DYNC2H1: variants seen among roughly 807,000 people sequenced by gnomAD.
DYNC2H1 encodes the protein dynein cytoplasmic 2 heavy chain 1, also known as cytoplasmic dynein 2 heavy chain 1.
Under a neutral mutation model 570.0 loss-of-function variants are expected in DYNC2H1, and 410 were observed. That is an observed-to-expected ratio of 0.72 (90% CI 0.66 to 0.78). The LOEUF (loss-of-function observed/expected upper bound fraction) is 0.78, where lower values mean the gene tolerates loss of function less well. DYNC2H1 is among the 30% of genes least tolerant of loss of function. The pLI is 0.00. For missense variants in DYNC2H1, 4,865 were observed against 5,046.4 expected, an observed-to-expected ratio of 0.96 and a Z score of 1.09; for synonymous variants, 1,688 against 1,677.6, an observed-to-expected ratio of 1.01 and a Z score of -0.15.
chr11:103,462,305 ATTT>A (rs112665738), intron 87 of DYNC2H1, among the ~76,000 whole-genome samples: 1 of 151,330 alleles, frequency 6.6e-6, no homozygotes. Flanking sequence ...AATTACATTG[ATTT>A]TTTTTTGTGT....
At chr11:103,202,484 C>T (rs540103944) in intron 50 of DYNC2H1, among the ~76,000 whole-genome samples, 2 of 151,956 alleles carry the variant, frequency 1.3e-5, no homozygotes, top group South Asian at 2.1e-4. Flanking sequence ...TTCTTATTCC[C>T]TAATGTGTAT....
Position 103,109,769 on chromosome 11 carries a change from G to T in DYNC2H1, c.195G>T (p.Thr65=), listed in dbSNP as rs896105030. The change falls in exon 1 of 89, where the codon ACG becomes ACT. Residue 65 remains threonine, a splice_region_variant and synonymous_variant. Coordinates refer to ENST00000375735, the MANE Select transcript of DYNC2H1 (RefSeq NM_001377.3). ...RSDAGISFSN[T]IEFGDTKDKV... ...ACGCAGGAATCTCCTTTTCCAACAC[G>T]GTACGGTTCCTTGCACTCCTGCCTG... 1.2e-6 allele frequency: 2 copies of T among 1,611,630 alleles called. No homozygotes were observed. The highest frequency in any genetic ancestry group is 1.7e-6 in the Non-Finnish European group (2 of 1,178,580).
intron 83 of DYNC2H1, among the ~76,000 whole-genome samples, chr11:103,366,646 A>G (rs1463457211): frequency 6.6e-6 from 1 of 152,156 alleles, no homozygotes; most frequent in African/African-American, 2.4e-5. Context: ...TGCTGCTTAC[A>G]GATGTAATTC....
In DYNC2H1 at chr11:103,116,617, G is replaced by T; in HGVS notation, c.669G>T (p.Leu223Phe). 2 of 1,608,392 alleles carry T rather than the reference G, an allele frequency of 1.2e-6. No homozygotes were observed. Among genetic ancestry groups the T allele is most frequent in the South Asian group, 2.2e-5 (2 of 90,254 alleles). ...DSLSLLEVVD[L>F]VETTQDVVDD... ...TATCCTTACTAGAAGTTGTTGACTT[G>T]GTGGAGACTACTCAGGATGTTGTAG... Residue 223 changes from leucine (L) to phenylalanine (F), a missense_variant, in exon 5 of 89, where the codon TTG becomes TTT. Physicochemically the swap from Leu to Phe is conservative, Grantham distance 22. Transcript: ENST00000375735.
chr11:103,371,817 A>C (rs1941157211), intron 83 of DYNC2H1, among the ~76,000 whole-genome samples: 1 of 151,374 alleles, frequency 6.6e-6, no homozygotes, highest in Non-Finnish European at 1.5e-5. Flanking sequence ...ATGAAACTAT[A>C]CTGAATTTGT....
At chr11:103,469,672 C>A (rs1945310320) in intron 88 of DYNC2H1, among the ~76,000 whole-genome samples, 1 of 152,166 alleles carries the variant, frequency 6.6e-6, no homozygotes, top group Admixed American at 6.5e-5. Flanking sequence ...TCAAAATTCC[C>A]TATTTTTCCC....
intron 84 of DYNC2H1, among the ~76,000 whole-genome samples, chr11:103,410,657 C>T (rs1054890027): frequency 7.2e-5 from 11 of 152,032 alleles, no homozygotes; most frequent in Non-Finnish European, 1.3e-4. Context: ...TCTTAGCTGT[C>T]GTGTCTTCAG....
intron 18 of DYNC2H1, among the ~76,000 whole-genome samples, chr11:103,147,458 G>A (rs919679988): frequency 2.0e-5 from 3 of 151,982 alleles, no homozygotes; most frequent in African/African-American, 7.2e-5. Flanking sequence ...GCTGTGACAA[G>A]AGAAGCTCAT....
At chr11:103,136,568 T>C (rs1859567514) in intron 17 of DYNC2H1, among the ~76,000 whole-genome samples, 1 of 152,246 alleles carries the variant, frequency 6.6e-6, no homozygotes, top group Non-Finnish European at 1.5e-5. Flanking sequence ...TCATTTTTTA[T>C]GGCTGCATAG....
intron 84 of DYNC2H1, among the ~76,000 whole-genome samples, chr11:103,423,426 A>AAAAAAAAAAAAAAAAC (rs1943558724): frequency 1.1e-5 from 1 of 91,166 alleles, no homozygotes; most frequent in African/African-American, 4.6e-5. Flanking sequence ...AAAAAAAAAA[A>AAAAAAAAAAAAAAAAC]AAAAAAAAAA....
intron 13 of DYNC2H1, among the ~76,000 whole-genome samples, chr11:103,130,487 G>T (rs1398736030): frequency 6.6e-6 from 1 of 151,940 alleles, no homozygotes; most frequent in African/African-American, 2.4e-5. Context: ...TTTCTTGTTG[G>T]CAGAGATTAA....
rs1860964045 is a variant in DYNC2H1 at position 103,158,978 on chromosome 11, G to A, written c.4329G>A (p.Gln1443=). 5.0e-6 allele frequency: 8 copies of A among 1,613,620 alleles called. No homozygotes were observed. The highest frequency in any genetic ancestry group is 6.8e-6 in the Non-Finnish European group (8 of 1,179,760). The change falls in exon 28 of 89, where the codon CAG becomes CAA. Residue 1443 remains glutamine, a synonymous_variant. Coordinates refer to ENST00000375735, the MANE Select transcript of DYNC2H1 (RefSeq NM_001377.3). ...GDDDLLEILG[Q]STNPSVIQSH... is the part of the protein sequence containing the mutation. ...ATGACTTATTAGAAATATTGGGCCAGTCTACCAACCCATCAGTGATTCAGT... is the reference window on the plus strand; with the variant it reads ...ATGACTTATTAGAAATATTGGGCCAATCTACCAACCCATCAGTGATTCAGT...
chr11:103,273,476 A>G (rs1206381402), intron 70 of DYNC2H1, among the ~76,000 whole-genome samples: 2 of 152,232 alleles, frequency 1.3e-5, no homozygotes, highest in African/African-American at 4.8e-5. Context: ...GGCATAAGCC[A>G]TGGCACCCAG....
intron 61 of DYNC2H1, among the ~76,000 whole-genome samples, chr11:103,234,930 C>T (rs2135196841): frequency 6.6e-6 from 1 of 152,020 alleles, no homozygotes; most frequent in Middle Eastern, 3.4e-3. Flanking sequence ...TGTGGGTTGT[C>T]TTAGACTCTT....
chr11:103,148,620 G>A lies in DYNC2H1; in HGVS notation c.2946+3G>A, dbSNP rs755470271. 6.4e-7 allele frequency: 1 copy of A among 1,556,218 alleles called. No homozygotes were observed. Among genetic ancestry groups the A allele is most frequent in the Non-Finnish European group, 8.7e-7 (1 of 1,151,100 alleles). ...AGTTACAAGAACGGAAGCCAGAGGTGAGAATCACAAAGTAAAATTATTATT... is the reference window on the plus strand; with the variant it reads ...AGTTACAAGAACGGAAGCCAGAGGTAAGAATCACAAAGTAAAATTATTATT... On this transcript the variant is annotated splice_donor_region_variant and intron_variant, in intron 20 of 88. Transcript: ENST00000375735.
chr11:103,266,657 T>C (rs541274338), intron 70 of DYNC2H1, among the ~76,000 whole-genome samples: 2 of 151,994 alleles, frequency 1.3e-5, no homozygotes, highest in East Asian at 3.9e-4. Context: ...ATGTGTGGAG[T>C]TGCTGTGGAT....
chr11:103,373,904 C>T (rs1023766229), intron 83 of DYNC2H1, among the ~76,000 whole-genome samples: 8 of 152,100 alleles, frequency 5.3e-5, no homozygotes, highest in African/African-American at 1.9e-4. Context: ...GCTACATCCT[C>T]TTTTTGAAGT....
chr11:103,385,314 TTC>T (rs996746801), intron 83 of DYNC2H1, among the ~76,000 whole-genome samples: 1 of 152,112 alleles, frequency 6.6e-6, no homozygotes, highest in Non-Finnish European at 1.5e-5. Context: ...TGTTAGACCT[TTC>T]TCTCTCTGTT....
At chr11:103,318,371 G>A (rs1043796017) in intron 80 of DYNC2H1, among the ~76,000 whole-genome samples, 24 of 152,044 alleles carry the variant, frequency 1.6e-4, no homozygotes, top group Non-Finnish European at 3.2e-4. Flanking sequence ...GATTACTTTT[G>A]CCTGTTTTTG....
Sources: allele counts gnomAD v4.1 joint callset (sites outside exome capture counted in the v4.1 genomes callset), GRCh38; gene constraint gnomAD v4.1.1; transcripts MANE v1.5; gene names NCBI Gene and HGNC (gene_info 2026-07-23, HGNC 2026-07-21).